The following PPP3CA variants were observed in gnomAD, a reference collection of about 807,000 sequenced individuals.
The protein encoded by PPP3CA is CAM-PRP catalytic subunit.
Under a neutral mutation model 66.5 loss-of-function variants are expected in PPP3CA, and 14 were observed. The ratio of observed to expected loss-of-function variants is 0.21; its 90% CI spans 0.14 to 0.33. PPP3CA has a LOEUF of 0.33. Among genes scored for constraint, PPP3CA ranks in the 10% least tolerant of loss-of-function variants. The pLI is 1.00. For missense variants in PPP3CA, 317 were observed against 639.5 expected, an observed-to-expected ratio of 0.50 and a Z score of 5.44; for synonymous variants, 232 against 226.2, an observed-to-expected ratio of 1.03 and a Z score of -0.23.
rs528220588 is a variant in PPP3CA, at chr4:101,140,182, A to G, written c.260-31104T>C. ...GTCCAAACATCACTCTCAGTTTCCT[A>G]AAGGAGATTACTTGTGAAAACACTC... On this transcript the variant is annotated intron_variant, in intron 2 of 13. Transcript: ENST00000394854. Among the ~76,000 whole-genome samples the G allele has an allele frequency of 1.2e-3, 179 of 152,340 alleles. 1 individual carries two copies. The highest frequency in any genetic ancestry group is 2.3e-3 in the Non-Finnish European group (157 of 68,028).
intron 1 of PPP3CA, among the ~76,000 whole-genome samples, chr4:101,339,839 C>T (rs1326903785): frequency 6.6e-6 from 1 of 152,108 alleles, no homozygotes; most frequent in Non-Finnish European, 1.5e-5. Flanking sequence ...AACCAAGACA[C>T]ATAGTTTAGA....
chr4:101,161,555 A>G (rs1488760658), intron 2 of PPP3CA, among the ~76,000 whole-genome samples: 2 of 152,176 alleles, frequency 1.3e-5, no homozygotes, highest in East Asian at 3.8e-4. Flanking sequence ...AGGATTCATT[A>G]GCTCTAGAAG....
intron 8 of PPP3CA, among the ~76,000 whole-genome samples, chr4:101,068,582 C>T (rs9684543): frequency 0.35 from 52,740 of 151,768 alleles, 11,082 homozygotes; most frequent in African/African-American, 0.58. Flanking sequence ...TGTGAATATG[C>T]ATATATGCAT....
intron 1 of PPP3CA, among the ~76,000 whole-genome samples, chr4:101,198,300 G>C (rs1724864095): frequency 6.6e-6 from 1 of 152,070 alleles, no homozygotes; most frequent in Admixed American, 6.6e-5. Flanking sequence ...TCTTTATGCA[G>C]GTCTTTATGT....
At chr4:101,117,978 C>T (rs1471598834) in intron 2 of PPP3CA, among the ~76,000 whole-genome samples, 2 of 151,916 alleles carry the variant, frequency 1.3e-5, no homozygotes, top group African/African-American at 4.8e-5. Flanking sequence ...TACTAATTTT[C>T]ACTTTAGAAA....
intron 5 of PPP3CA, among the ~76,000 whole-genome samples, chr4:101,097,682 A>G (rs1730258208): frequency 6.6e-6 from 1 of 152,150 alleles, no homozygotes; most frequent in Non-Finnish European, 1.5e-5. Flanking sequence ...GAAATAAAAG[A>G]TTGTCTATCT....
intron 5 of PPP3CA, among the ~76,000 whole-genome samples, chr4:101,094,606 T>C (rs1730112699): frequency 1.3e-5 from 2 of 152,162 alleles, no homozygotes; most frequent in Non-Finnish European, 2.9e-5. Flanking sequence ...TAAACTCAAC[T>C]TTAGCGGGTC....
At chr4:101,305,395 C>A (rs1409350231) in intron 1 of PPP3CA, among the ~76,000 whole-genome samples, 5 of 152,098 alleles carry the variant, frequency 3.3e-5, no homozygotes, top group Non-Finnish European at 7.4e-5. Context: ...CAGTGTGACC[C>A]CATAAATTAT....
intron 2 of PPP3CA, among the ~76,000 whole-genome samples, chr4:101,134,581 A>C (rs1442569187): frequency 6.6e-6 from 1 of 152,236 alleles, no homozygotes; most frequent in Non-Finnish European, 1.5e-5. Context: ...AGGAAACAAC[A>C]GATGCTGGAG....
chr4:101,271,383 T>G (rs1340808386), intron 1 of PPP3CA, among the ~76,000 whole-genome samples: 1 of 152,084 alleles, frequency 6.6e-6, no homozygotes, highest in Non-Finnish European at 1.5e-5. Context: ...CCCACCAGCA[T>G]ACCACCAGTT....
intron 5 of PPP3CA, among the ~76,000 whole-genome samples, chr4:101,096,064 T>C (rs940676224): frequency 6.6e-6 from 1 of 152,074 alleles, no homozygotes; most frequent in East Asian, 1.9e-4. Context: ...CTTGCAAAAA[T>C]GGACACAAAG....
chr4:101,027,925 C>CACA (rs1169805154), intron 13 of PPP3CA, among the ~76,000 whole-genome samples: 4 of 152,286 alleles, frequency 2.6e-5, no homozygotes, highest in Middle Eastern at 3.4e-3. Context: ...GTATACTTAA[C>CACA]ACAACACAGA....
At chr4:101,159,668 G>T (rs1172728863) in intron 2 of PPP3CA, among the ~76,000 whole-genome samples, 1 of 152,026 alleles carries the variant, frequency 6.6e-6, no homozygotes, top group Non-Finnish European at 1.5e-5. Flanking sequence ...TCCTCATAAT[G>T]CCCCTAGTCT....
chr4:101,288,494 T>C (rs1362355588), intron 1 of PPP3CA, among the ~76,000 whole-genome samples: 3 of 150,964 alleles, frequency 2.0e-5, no homozygotes, highest in African/African-American at 7.3e-5. Flanking sequence ...AATTAACAGA[T>C]TATAATTTTT....
Position 101,063,224 on chromosome 4 carries a change from C to A in PPP3CA, c.1081+8G>T. 2 of 1,610,154 alleles carry A rather than the reference C, an allele frequency of 1.2e-6. No individual in the cohort carries two copies. The highest frequency in any genetic ancestry group is 4.5e-5 in the East Asian group (2 of 44,790). ...TTAAGAAGAACATCTCAGGATTCCA[C>A]AACATACCTTTTTCCCCAACAAATG... On this transcript the variant is annotated splice_region_variant and intron_variant, in intron 9 of 13. Coordinates refer to ENST00000394854, the MANE Select transcript of PPP3CA (RefSeq NM_000944.5).
intron 1 of PPP3CA, among the ~76,000 whole-genome samples, chr4:101,320,465 T>A (rs1379577157): frequency 2.3e-5 from 3 of 131,710 alleles, no homozygotes; most frequent in African/African-American, 3.2e-5. Context: ...TGTATGTATG[T>A]ATGTATGTAT....
intron 1 of PPP3CA, among the ~76,000 whole-genome samples, chr4:101,264,643 T>C (rs1459186093): frequency 6.6e-6 from 1 of 152,174 alleles, no homozygotes. Context: ...TCAGTCTCAG[T>C]GTAAATCCAG....
At chr4:101,268,850 G>A (rs1319492445) in intron 1 of PPP3CA, among the ~76,000 whole-genome samples, 1 of 152,088 alleles carries the variant, frequency 6.6e-6, no homozygotes, top group East Asian at 1.9e-4. Flanking sequence ...TCTATGCTGT[G>A]TTCCTAAAAC....
At chr4:101,208,548 C>T (rs1211042908) in intron 1 of PPP3CA, among the ~76,000 whole-genome samples, 1 of 152,158 alleles carries the variant, frequency 6.6e-6, no homozygotes, top group Non-Finnish European at 1.5e-5. Flanking sequence ...TAAGGAACAT[C>T]AGGGGATATC....
Sources: gnomAD v4.1 joint callset for allele counts (sites outside exome capture counted in the v4.1 genomes callset) on GRCh38, gnomAD v4.1.1 for gene constraint, MANE v1.5 for transcripts, NCBI Gene and HGNC (gene_info 2026-07-23, HGNC 2026-07-21) for gene names.